TBC1D30: variants seen among roughly 807,000 people sequenced by gnomAD.
TBC1D30 encodes the protein TBC1 domain family member 30.
A neutral mutation model predicts 63.2 loss-of-function variants in TBC1D30; 31 were observed. That is an observed-to-expected ratio of 0.49 (90% CI 0.37 to 0.66). The LOEUF (loss-of-function observed/expected upper bound fraction) is 0.66, where lower values mean the gene tolerates loss of function less well. Among genes scored for constraint, TBC1D30 ranks in the 30% least tolerant of loss-of-function variants. TBC1D30 has a pLI of 0.00. For synonymous variants in TBC1D30, 307 were observed against 361.5 expected, an observed-to-expected ratio of 0.85 and a Z score of 1.71; for missense variants, 810 against 953.6, an observed-to-expected ratio of 0.85 and a Z score of 1.98.
Position 64,875,261 on chromosome 12 carries a change from G to T in TBC1D30, c.1759G>T (p.Asp587Tyr). Residue 587 changes from aspartate (D) to tyrosine (Y), a missense_variant, in exon 12 of 12, where the codon GAC (aspartate) becomes TAC (tyrosine). Asp to Tyr is a radical substitution (Grantham distance 160). Coordinates refer to ENST00000539867, the MANE Select transcript of TBC1D30 (RefSeq NM_015279.2). ...GACCAAGAGTCATCCGGGCTGTGGG[G>T]ACACCGTAGGGCTGATAGATGAGCA... is the stretch of plus-strand genomic sequence containing the variant. Reference protein sequence around the residue: ...PRTKSHPGCGDTVGLIDEQNE... With the variant: ...PRTKSHPGCGYTVGLIDEQNE... 1 of 1,536,312 alleles carries T rather than the reference G, an allele frequency of 6.5e-7. No homozygotes were observed. The highest frequency in any genetic ancestry group is 8.7e-7 in the Non-Finnish European group (1 of 1,146,922).
chr12:64,760,928 A>G (rs1487522177), intron 1 of TBC1D30, among the ~76,000 whole-genome samples: 1 of 152,166 alleles, frequency 6.6e-6, no homozygotes, highest in Non-Finnish European at 1.5e-5. Context: ...TAACTCACAC[A>G]ATAGCATGAA....
At chr12:64,847,830 C>T (rs886834472) in intron 8 of TBC1D30, among the ~76,000 whole-genome samples, 7 of 152,058 alleles carry the variant, frequency 4.6e-5, no homozygotes, top group African/African-American at 1.7e-4. Context: ...GATCCATATG[C>T]TGAAGAGAAA....
At chr12:64,811,700 A>G (rs1050815393) in intron 2 of TBC1D30, among the ~76,000 whole-genome samples, 8 of 152,208 alleles carry the variant, frequency 5.3e-5, no homozygotes, top group African/African-American at 1.4e-4. Context: ...TTCTGTTATC[A>G]TGAGATTTTT....
At chr12:64,786,986 A>C (rs1871630302) in intron 2 of TBC1D30, among the ~76,000 whole-genome samples, 1 of 152,072 alleles carries the variant, frequency 6.6e-6, no homozygotes, top group African/African-American at 2.4e-5. Flanking sequence ...AATAAATAAA[A>C]CAGCATCACA....
rs1202398823 is a variant in TBC1D30, at chr12:64,875,073, G to A, written c.1571G>A (p.Gly524Glu). ...SSPVINHLLL[G>E]KKMKMTNRAA... is the part of the protein sequence containing the mutation. ...CCAGTTATAAACCACCTTCTTTTAG[G>A]AAAGAAGATGAAAATGACTAACAGA... The change falls in exon 12 of 12, where the codon GGA (glycine) becomes GAA (glutamate). Residue 524 changes from glycine (G) to glutamate (E), a missense_variant. Coordinates refer to ENST00000539867, the MANE Select transcript of TBC1D30 (RefSeq NM_015279.2). The A allele has an allele frequency of 2.0e-6, 3 of 1,536,520 alleles. No individual in the cohort carries two copies. Among genetic ancestry groups the A allele is most frequent in the Admixed American group, 3.9e-5 (2 of 50,992 alleles).
intron 2 of TBC1D30, among the ~76,000 whole-genome samples, chr12:64,802,017 TTTCTG>T (rs56177319): frequency 0.55 from 82,628 of 151,398 alleles, 23,749 homozygotes; most frequent in East Asian, 0.9. Context: ...TCATTTTTCT[TTTCTG>T]GTACTGGCAC....
chr12:64,759,804 C>G (rs554120265), intron 1 of TBC1D30, among the ~76,000 whole-genome samples: 2 of 152,312 alleles, frequency 1.3e-5, no homozygotes, highest in South Asian at 4.1e-4. Context: ...GAAAGGAGGA[C>G]TGTACATAAC....
chr12:64,855,056 T>G (rs1171381761), intron 8 of TBC1D30, among the ~76,000 whole-genome samples: 1 of 152,180 alleles, frequency 6.6e-6, no homozygotes, highest in Non-Finnish European at 1.5e-5. Context: ...TGCTTAAAGA[T>G]ATTTTAGCTG....
In TBC1D30 at chr12:64,876,847, A is replaced by C. The variant is rs765208744; in HGVS notation, c.*1059A>C. 1 of 455,986 alleles carries C rather than the reference A, an allele frequency of 2.2e-6. No homozygotes were observed. Among genetic ancestry groups the C allele is most frequent in the South Asian group, 1.5e-5 (1 of 64,546 alleles). The allele number at this position is 455,986 out of a possible 1,614,324, so 28.2% of individuals were successfully genotyped here. Reference sequence around the variant, plus strand: ...TGCCCTTTCTAGCTCTCTCTCACCCAGCGGGTCAGGGATAGCACCTCTTGT... The same window carrying C: ...TGCCCTTTCTAGCTCTCTCTCACCCCGCGGGTCAGGGATAGCACCTCTTGT... On this transcript the variant is annotated 3_prime_UTR_variant, in exon 12 of 12. Transcript: ENST00000539867.
chr12:64,779,913 G>GT (rs1871185029), upstream of TBC1D30, among the ~76,000 whole-genome samples: 1 of 152,184 alleles, frequency 6.6e-6, no homozygotes, highest in African/African-American at 2.4e-5. Context: ...CGCTAAACAT[G>GT]TTGCCAATTA....
chr12:64,848,716 A>C (rs1224227653), intron 8 of TBC1D30, among the ~76,000 whole-genome samples: 1 of 152,198 alleles, frequency 6.6e-6, no homozygotes, highest in East Asian at 1.9e-4. Context: ...GCTATTGTGA[A>C]TAGTGCTGCA....
chr12:64,763,912 G>C (rs1308742375), intron 1 of TBC1D30, among the ~76,000 whole-genome samples: 3 of 152,190 alleles, frequency 2.0e-5, no homozygotes, highest in African/African-American at 7.2e-5. Flanking sequence ...TTACAGGCGT[G>C]AGCCACCATG....
At position 64,774,282 on chromosome 12, in the gene TBC1D30, T is replaced by C. The variant is rs538498207; in HGVS notation, c.-375-11599T>C. On this transcript the variant is annotated intron_variant, in intron 1 of 13. Coordinates refer to the TBC1D30 transcript ENST00000674237. Reference sequence around the variant, plus strand: ...GAATGAACAAAACGTCTGAGAAATATGAGATTATGTAAAGAGACTGAATCT... The same window carrying C: ...GAATGAACAAAACGTCTGAGAAATACGAGATTATGTAAAGAGACTGAATCT... 3.3e-4 allele frequency among the ~76,000 whole-genome samples: 50 copies of C among 152,218 alleles called. 1 individual carries two copies. Among genetic ancestry groups the C allele is most frequent in the African/African-American group, 1.2e-3 (49 of 41,538 alleles).
At chr12:64,777,229 T>C (rs1251435641), upstream of TBC1D30, among the ~76,000 whole-genome samples, 1 of 152,136 alleles carries the variant, frequency 6.6e-6, no homozygotes, top group Non-Finnish European at 1.5e-5. Flanking sequence ...ACTGCTCCTA[T>C]TCAACATAGT....
At chr12:64,873,430 T>C (rs1279804018) in intron 11 of TBC1D30, among the ~76,000 whole-genome samples, 3 of 152,124 alleles carry the variant, frequency 2.0e-5, no homozygotes. Flanking sequence ...ATGTAGATCA[T>C]GGACCCTAGG....
chr12:64,856,500 A>C (rs1877314840), intron 8 of TBC1D30, among the ~76,000 whole-genome samples: 1 of 134,924 alleles, frequency 7.4e-6, no homozygotes, highest in Admixed American at 6.7e-5. Context: ...CCAGGCAGAG[A>C]CTCATTCTTT....
chr12:64,847,895 A>G (rs572042537), intron 8 of TBC1D30, among the ~76,000 whole-genome samples: 2,134 of 151,572 alleles, frequency 0.014, 43 homozygotes, highest in African/African-American at 0.049. Context: ...TACTAGGTCC[A>G]TTTGTTCTAT....
chr12:64,850,670 G>T (rs1876787774), intron 8 of TBC1D30, among the ~76,000 whole-genome samples: 1 of 152,180 alleles, frequency 6.6e-6, no homozygotes, highest in African/African-American at 2.4e-5. Flanking sequence ...GCTGGATTTG[G>T]TTTGCCAGTA....
At chr12:64,764,168 A>T (rs900901951) in intron 1 of TBC1D30, among the ~76,000 whole-genome samples, 1 of 152,218 alleles carries the variant, frequency 6.6e-6, no homozygotes, top group African/African-American at 2.4e-5. Flanking sequence ...TGGTTGTCAT[A>T]TCCAGAATAG....
Sources: gnomAD v4.1 joint callset for allele counts (sites outside exome capture counted in the v4.1 genomes callset) on GRCh38, gnomAD v4.1.1 for gene constraint, MANE v1.5 for transcripts, NCBI Gene and HGNC (gene_info 2026-07-23, HGNC 2026-07-21) for gene names.